YWHAQ: variants seen among roughly 807,000 people sequenced by gnomAD.
YWHAQ encodes the protein 14-3-3 protein theta.
Under a neutral mutation model 28.3 loss-of-function variants are expected in YWHAQ, and 6 were observed. The observed-to-expected ratio is 0.21, with a 90% CI of 0.12 to 0.42. The LOEUF (loss-of-function observed/expected upper bound fraction) is 0.42, where lower values mean the gene tolerates loss of function less well. Among genes scored for constraint, YWHAQ ranks in the 10% least tolerant of loss-of-function variants. YWHAQ has a pLI of 1.00. For missense variants in YWHAQ, 201 were observed against 305.6 expected, an observed-to-expected ratio of 0.66 and a Z score of 2.55; for synonymous variants, 143 against 119.1, an observed-to-expected ratio of 1.20 and a Z score of -1.31.
intron 2 of YWHAQ, among the ~76,000 whole-genome samples, chr2:9,621,018 C>T (rs888080926): frequency 6.6e-6 from 1 of 152,084 alleles, no homozygotes; most frequent in Non-Finnish European, 1.5e-5. Context: ...CAAAGTAAAA[C>T]CACTTTCATA....
chr2:9,626,541 G>C (rs1558552527), intron 2 of YWHAQ, among the ~76,000 whole-genome samples: 2 of 152,240 alleles, frequency 1.3e-5, no homozygotes, highest in African/African-American at 2.4e-5. Context: ...TGATTCTCCT[G>C]CCTCGGCCTC....
At chr2:9,588,537 G>C (rs1446601262) in intron 3 of YWHAQ, among the ~76,000 whole-genome samples, 1 of 152,120 alleles carries the variant, frequency 6.6e-6, no homozygotes, top group African/African-American at 2.4e-5. Flanking sequence ...TTGGGAGGCC[G>C]AGGTGGGTGG....
At position 9,630,310 on chromosome 2, in the gene YWHAQ, T is replaced by A. The variant is rs1667337478; in HGVS notation, c.143A>T (p.Tyr48Phe). ...CCTGCGGCCCCCGACCACGTTCTTGTAGGCCACGGAGAGCAGGTTGCGCTC... is the reference window on the plus strand; with the variant it reads ...CCTGCGGCCCCCGACCACGTTCTTGAAGGCCACGGAGAGCAGGTTGCGCTC... ...NEERNLLSVAYKNVVGGRRSA... is the reference protein window; with the variant it reads ...NEERNLLSVAFKNVVGGRRSA... The change falls in exon 2 of 6, where the codon TAC becomes TTC. Residue 48 changes from tyrosine to phenylalanine, a missense_variant. Physicochemically the swap from Tyr to Phe is conservative, Grantham distance 22. Coordinates refer to ENST00000238081, the MANE Select transcript of YWHAQ (RefSeq NM_006826.4). The surrounding 1 kb of genome is among the most constrained non-coding windows in gnomAD (Gnocchi z 5.6). 6.2e-7 allele frequency: 1 copy of A among 1,614,012 alleles called. No homozygotes were observed. Among genetic ancestry groups the A allele is most frequent in the Non-Finnish European group, 8.5e-7 (1 of 1,180,042 alleles).
intron 2 of YWHAQ, among the ~76,000 whole-genome samples, chr2:9,599,088 G>A (rs1238918728): frequency 6.6e-6 from 1 of 152,206 alleles, no homozygotes; most frequent in Admixed American, 6.5e-5. Flanking sequence ...AAAACTTTAT[G>A]TGGTCTGAAT....
chr2:9,609,397 A>C (rs1334329037), intron 2 of YWHAQ, among the ~76,000 whole-genome samples: 1 of 152,210 alleles, frequency 6.6e-6, no homozygotes, highest in East Asian at 1.9e-4. Context: ...AATAAAGAAT[A>C]AGACAAAAAA....
intron 2 of YWHAQ, among the ~76,000 whole-genome samples, chr2:9,610,010 C>G (rs899896109): frequency 7.2e-5 from 11 of 152,132 alleles, no homozygotes; most frequent in African/African-American, 2.7e-4. Context: ...ACGTGTTTCC[C>G]GCATCTCTTT....
In YWHAQ at chr2:9,606,403, T is replaced by TAAAATA. The variant is rs144636528; in HGVS notation, c.295-14894_295-14889dup. 4.8e-3 allele frequency among the ~76,000 whole-genome samples: 717 copies of TAAAATA among 150,600 alleles called. 16 individuals are homozygous for TAAAATA. Among genetic ancestry groups the TAAAATA allele is most frequent in the South Asian group, 0.012 (58 of 4,784 alleles). On this transcript the variant is annotated intron_variant, in intron 2 of 5. Coordinates refer to ENST00000238081, the MANE Select transcript of YWHAQ (RefSeq NM_006826.4). ...AAACACGGTGAAACCCCGTCTCTACTAAAATAAAAATAAAAATAAAAATAA... is the reference window on the plus strand; with the variant it reads ...AAACACGGTGAAACCCCGTCTCTACTAAAATAAAAATAAAAATAAAAATAAAAATAA...
At chr2:9,585,494 C>A in intron 5 of YWHAQ, 149 bp from the exon 6 acceptor site, 1 of 830,274 alleles carries the variant, frequency 1.2e-6, no homozygotes, top group Non-Finnish European at 1.9e-6. Flanking sequence ...CTCAAAACCC[C>A]AAAGACCATC....
At chr2:9,595,834 G>A (rs1421190215) in intron 2 of YWHAQ, among the ~76,000 whole-genome samples, 1 of 152,050 alleles carries the variant, frequency 6.6e-6, no homozygotes, top group Non-Finnish European at 1.5e-5. Context: ...TTATTATCTT[G>A]GGAGTTTTGG....
At chr2:9,611,529 A>G (rs907530321) in intron 2 of YWHAQ, among the ~76,000 whole-genome samples, 6 of 152,194 alleles carry the variant, frequency 3.9e-5, no homozygotes, top group African/African-American at 1.2e-4. Context: ...GTAAACTCAC[A>G]AGAGTAATGC....
At chr2:9,605,508 G>T (rs1305028396) in intron 2 of YWHAQ, among the ~76,000 whole-genome samples, 1 of 152,030 alleles carries the variant, frequency 6.6e-6, no homozygotes, top group Non-Finnish European at 1.5e-5. Context: ...TCCAATTCTT[G>T]TCCCCTGCCC....
At chr2:9,598,645 C>T (rs7569485) in intron 2 of YWHAQ, among the ~76,000 whole-genome samples, 88,859 of 151,942 alleles carry the variant, frequency 0.58, 28,313 homozygotes, top group African/African-American at 0.81. Context: ...TGGTCATTAA[C>T]GTTACTACTG....
At position 9,601,613 on chromosome 2, in the gene YWHAQ, G is replaced by A. The variant is rs73155526; in HGVS notation, c.295-10098C>T. Among the ~76,000 whole-genome samples, 847 of 152,222 alleles carry A rather than the reference G, an allele frequency of 5.6e-3. 4 individuals are homozygous for A. Among genetic ancestry groups the A allele is most frequent in the African/African-American group, 0.019 (809 of 41,510 alleles). On this transcript the variant is annotated intron_variant, in intron 2 of 5. Coordinates refer to ENST00000238081, the MANE Select transcript of YWHAQ (RefSeq NM_006826.4). Reference sequence around the variant, plus strand: ...TAGGCATACACTGAGAACCACACACGTGATGCCATCCATAACTAAGAGCAG... The same window carrying A: ...TAGGCATACACTGAGAACCACACACATGATGCCATCCATAACTAAGAGCAG...
At chr2:9,602,848 AAAAAAAAAAAAAAAAT>A (rs1666730773) in intron 2 of YWHAQ, among the ~76,000 whole-genome samples, 2 of 17,824 alleles carry the variant, frequency 1.1e-4, no homozygotes, top group African/African-American at 3.7e-4. Flanking sequence ...AAAAAAAAAA[AAAAAAAAAAAAAAAAT>A]ATATATATAT....
intron 2 of YWHAQ, among the ~76,000 whole-genome samples, chr2:9,606,209 T>G (rs990159598): frequency 3.3e-5 from 5 of 152,178 alleles, no homozygotes; most frequent in Admixed American, 6.5e-5. Context: ...ATACTCCCAC[T>G]AGCAATGCAT....
chr2:9,593,390 G>T (rs1186993908), intron 2 of YWHAQ, among the ~76,000 whole-genome samples: 1 of 151,984 alleles, frequency 6.6e-6, no homozygotes, highest in Admixed American at 6.6e-5. Flanking sequence ...TGTATTTTTA[G>T]TAGAGACAGG....
chr2:9,589,985 C>T (rs1666426342), intron 3 of YWHAQ, among the ~76,000 whole-genome samples: 1 of 152,164 alleles, frequency 6.6e-6, no homozygotes, highest in Admixed American at 6.5e-5. Flanking sequence ...TGAAATGGCA[C>T]ATTTATTGAT....
intron 4 of YWHAQ, 42 bp from the exon 5 acceptor site, chr2:9,587,551 G>A (rs754768443): frequency 6.6e-6 from 10 of 1,520,030 alleles, no homozygotes; most frequent in African/African-American, 1.4e-5. Flanking sequence ...GTGCATTGAC[G>A]AAAACTGGTT....
intron 5 of YWHAQ, among the ~76,000 whole-genome samples, chr2:9,585,979 T>C (rs1048527300): frequency 2.6e-5 from 4 of 151,996 alleles, no homozygotes; most frequent in Non-Finnish European, 4.4e-5. Context: ...AGCAAAGTGA[T>C]AGTCTCTATT....
Sources: gnomAD v4.1 joint callset for allele counts (sites outside exome capture counted in the v4.1 genomes callset) on GRCh38, gnomAD v4.1.1 for gene constraint, Gnocchi (gnomAD v3.1) non-coding constraint, MANE v1.5 for transcripts, NCBI Gene and HGNC (gene_info 2026-07-23, HGNC 2026-07-21) for gene names.